PLEKHF1: variants seen among roughly 807,000 people sequenced by gnomAD.
PLEKHF1 encodes the protein pleckstrin homology and FYVE domain containing 1, also known as pleckstrin homology domain-containing family F member 1.
Under a neutral mutation model 4.1 loss-of-function variants are expected in PLEKHF1, and 1 was observed. The ratio of observed to expected loss-of-function variants is 0.24; its 90% CI spans 0.09 to 1.15. The LOEUF (loss-of-function observed/expected upper bound fraction) is 1.15, where lower values mean the gene tolerates loss of function less well. Ranked by LOEUF, PLEKHF1 falls within the 50% of genes most tolerant of loss-of-function variation. The probability of loss-of-function intolerance (pLI) is 0.52; values close to 1 mark genes in which losing one functional copy is unlikely to be tolerated. For synonymous variants in PLEKHF1, 182 were observed against 178.5 expected (o/e 1.02, Z -0.16); for missense variants, 429 against 400.6 (o/e 1.07, Z -0.60).
rs1380606183 is a variant in PLEKHF1, at chr19:29,674,599, G to A, written c.760G>A (p.Glu254Lys). The stretch of plus-strand genomic sequence containing the variant: ...TGACGATGACTCCGACGAGGACAAG[G>A]AGGGCAGCAGGGACGGCGACTGGCC... ...GDDDDSDEDK[E>K]GSRDGDWPSS... Residue 254 changes from glutamate (E) to lysine (K), a missense_variant, in exon 2 of 2, where the codon GAG becomes AAG. By Grantham distance (56) the Glu-to-Lys change is moderately conservative (BLOSUM62 1). Coordinates refer to ENST00000436066, the MANE Select transcript of PLEKHF1 (RefSeq NM_024310.5). 1 of 1,607,614 alleles carries A rather than the reference G, an allele frequency of 6.2e-7. No individual in the cohort carries two copies. The highest frequency in any genetic ancestry group is 8.5e-7 in the Non-Finnish European group (1 of 1,177,832).
chr19:29,673,370 G>A (rs528272224), intron 1 of PLEKHF1, among the ~76,000 whole-genome samples: 2 of 150,266 alleles, frequency 1.3e-5, no homozygotes, highest in South Asian at 4.2e-4. Flanking sequence ...GCTGCCCACA[G>A]TAGTAGCCGG....
rs1427149825 is a variant in PLEKHF1, at chr19:29,674,698, T to C, written c.*19T>C. 1 of 1,579,332 alleles carries C rather than the reference T, an allele frequency of 6.3e-7. No individual in the cohort carries two copies. Among genetic ancestry groups the C allele is most frequent in the Non-Finnish European group, 8.6e-7 (1 of 1,160,254 alleles). ...CAGCTGACCCCCGGCCTGCAGAACA[T>C]CTGTCCCCAAGCCAGCTCCACTGCC... On this transcript the variant is annotated 3_prime_UTR_variant, in exon 2 of 2. Transcript: ENST00000436066.
chr19:29,672,493 C>G (rs1639111591), intron 1 of PLEKHF1, among the ~76,000 whole-genome samples: 1 of 151,780 alleles, frequency 6.6e-6, no homozygotes, highest in Non-Finnish European at 1.5e-5. Flanking sequence ...AGGAGCTGAC[C>G]CTGGGACAGC....
intron 1 of PLEKHF1, 102 bp downstream of exon 1, chr19:29,665,607 C>T (rs1045569731): frequency 1.4e-4 from 168 of 1,208,914 alleles, no homozygotes; most frequent in Non-Finnish European, 1.7e-4. Context: ...TCTCTCCCGC[C>T]GCGCGGTCTT....
Position 29,674,467 on chromosome 19 carries a change from G to A in PLEKHF1, c.628G>A (p.Glu210Lys), listed in dbSNP as rs1378699327. ...GCGCGTCTGCAGCCTCTGCTACCGC[G>A]AACTGGCCGCCCAGCAGCGGCAGGA... ...PVRVCSLCYR[E>K]LAAQQRQEEA... Residue 210 changes from glutamate (E) to lysine (K), a missense_variant, in exon 2 of 2, where the codon GAA becomes AAA. Coordinates refer to ENST00000436066, the MANE Select transcript of PLEKHF1 (RefSeq NM_024310.5). 6.5e-7 allele frequency: 1 copy of A among 1,540,474 alleles called. No homozygotes were observed. Among genetic ancestry groups the A allele is most frequent in the Admixed American group, 2.0e-5 (1 of 50,992 alleles).
At chr19:29,670,367 G>A (rs1313234089) in intron 1 of PLEKHF1, among the ~76,000 whole-genome samples, 1 of 152,202 alleles carries the variant, frequency 6.6e-6, no homozygotes, top group Admixed American at 6.5e-5. Flanking sequence ...TCTCATATAA[G>A]TTATTACAGT....
At chr19:29,669,183 CT>C (rs1971602685) in intron 1 of PLEKHF1, among the ~76,000 whole-genome samples, 1 of 152,192 alleles carries the variant, frequency 6.6e-6, no homozygotes, top group African/African-American at 2.4e-5. Context: ...ACTCTGCCCT[CT>C]GCTGGACGGG....
At chr19:29,669,986 C>G (rs1271627659) in intron 1 of PLEKHF1, among the ~76,000 whole-genome samples, 1 of 152,116 alleles carries the variant, frequency 6.6e-6, no homozygotes, top group African/African-American at 2.4e-5. Flanking sequence ...GGCTGGAGTG[C>G]AGTGGTGTGA....
rs1568311262 is a variant in PLEKHF1, at chr19:29,673,913, CG to C, written c.78del (p.Gln27SerfsTer16). On this transcript the variant is annotated frameshift_variant, in exon 2 of 2. Coordinates refer to ENST00000436066, the MANE Select transcript of PLEKHF1 (RefSeq NM_024310.5). LOFTEE classifies it low-confidence loss of function (END_TRUNC). The part of the protein sequence containing the change: ...IAAVESCFGA[S>X]GQPLALPGRV... ...GCAGTGGAGAGCTGCTTCGGGGCCT[CG>C]GGGCAGCCGCTGGCGCTGCCAGGCC... 6.2e-7 allele frequency: 1 copy of C among 1,612,634 alleles called. No individual in the cohort carries two copies. The highest frequency in any genetic ancestry group is 1.1e-5 in the South Asian group (1 of 91,012).
rs1971628126 is a variant in PLEKHF1 at position 29,671,124 on chromosome 19, G to A, written c.-16-2700G>A. Among the ~76,000 whole-genome samples the A allele has an allele frequency of 6.8e-6, 1 of 147,564 alleles. No individual in the cohort carries two copies. The highest frequency in any genetic ancestry group is 6.7e-5 in the Admixed American group (1 of 14,830). ...CCCTCCTTTTTTTTTTTTTGAGATG[G>A]AATCTCACTCTGTCACACAGGCTGG... On this transcript the variant is annotated intron_variant, in intron 1 of 1. Coordinates refer to ENST00000436066, the MANE Select transcript of PLEKHF1 (RefSeq NM_024310.5). The surrounding 1 kb of genome is among the most constrained non-coding windows in gnomAD (Gnocchi z 4.0).
chr19:29,673,896 G>A lies in PLEKHF1; in HGVS notation c.57G>A (p.Glu19=). The A allele has an allele frequency of 6.2e-7, 1 of 1,612,134 alleles. No individual in the cohort carries two copies. The highest frequency in any genetic ancestry group is 1.3e-5 in the African/African-American group (1 of 75,036). ...ACAGCCAGCGCATCGCGGCAGTGGA[G>A]AGCTGCTTCGGGGCCTCGGGGCAGC... ...EINSQRIAAV[E]SCFGASGQPL... The change falls in exon 2 of 2, where the codon GAG becomes GAA. Residue 19 remains glutamate, a synonymous_variant. Coordinates refer to ENST00000436066, the MANE Select transcript of PLEKHF1 (RefSeq NM_024310.5).
chr19:29,672,526 G>A (rs1253977784), intron 1 of PLEKHF1, among the ~76,000 whole-genome samples: 1 of 152,172 alleles, frequency 6.6e-6, no homozygotes, highest in Non-Finnish European at 1.5e-5. Flanking sequence ...GGACACAATG[G>A]CACCTTGCCA....
chr19:29,673,793 G>T, intron 1 of PLEKHF1, 31 bp from the exon 2 acceptor site: 1 of 1,562,752 alleles, frequency 6.4e-7, no homozygotes, highest in South Asian at 1.2e-5. Context: ...GCCTGAGCCT[G>T]GACATACTCC....
intron 1 of PLEKHF1, among the ~76,000 whole-genome samples, chr19:29,670,360 C>T (rs1306720003): frequency 6.6e-6 from 1 of 152,196 alleles, no homozygotes. Context: ...ATGTATATCT[C>T]ATATAAGTTA....
In PLEKHF1 at chr19:29,674,533, G is replaced by A. The variant is rs1971679773; in HGVS notation, c.694G>A (p.Ala232Thr). ...EQGAGSPGQP[A>T]HLARPICGAS... ...GGGCGCGGGGTCCCCAGGGCAGCCA[G>A]CCCACCTGGCCCGGCCCATCTGCGG... is the stretch of plus-strand genomic sequence containing the variant. Residue 232 changes from alanine to threonine, a missense_variant, in exon 2 of 2, where the codon GCC (alanine) becomes ACC (threonine). Coordinates refer to ENST00000436066, the MANE Select transcript of PLEKHF1 (RefSeq NM_024310.5). The A allele has an allele frequency of 1.9e-6, 3 of 1,581,226 alleles. No individual in the cohort carries two copies. Among genetic ancestry groups the A allele is most frequent in the Non-Finnish European group, 2.6e-6 (3 of 1,165,668 alleles).
In PLEKHF1 at chr19:29,674,302, A is replaced by G. The variant is rs770578722; in HGVS notation, c.463A>G (p.Thr155Ala). 1.9e-6 allele frequency: 3 copies of G among 1,591,944 alleles called. No individual in the cohort carries two copies. In the African/African-American group the frequency reaches 4.0e-5, roughly 21 times the overall value. Residue 155 changes from threonine to alanine, a missense_variant, in exon 2 of 2, where the codon ACG (threonine) becomes GCG (alanine). By Grantham distance (58) the Thr-to-Ala change is moderately conservative. Transcript: ENST00000436066. ...GGCACCCTGGATCCCCGACAAGGCC[A>G]CGGACATCTGCATGCGCTGCACGCA... is the stretch of plus-strand genomic sequence containing the variant. ...HAAPWIPDKA[T>A]DICMRCTQTR...
rs1386978587 is a variant in PLEKHF1 at position 29,665,463 on chromosome 19, T to C, written c.-59T>C. ...CGGAGCGGGCGGGGACCCGGGCTAC[T>C]GCGGTGTGGACTCGAGGGCTGGGCG... On this transcript the variant is annotated 5_prime_UTR_variant, in exon 1 of 2. Transcript: ENST00000436066. 3.6e-5 allele frequency: 32 copies of C among 884,502 alleles called. No individual in the cohort carries two copies. The highest frequency in any genetic ancestry group is 2.2e-4 in the African/African-American group (12 of 53,770). The allele number at this position is 884,502 out of a possible 1,614,324, so 54.8% of individuals were successfully genotyped here. A position where few individuals can be genotyped will look rare whatever the true frequency, so the allele number is the denominator to read the frequency against.
intron 1 of PLEKHF1, among the ~76,000 whole-genome samples, chr19:29,667,626 C>A (rs1305223928): frequency 6.6e-6 from 1 of 152,038 alleles, no homozygotes; most frequent in African/African-American, 2.4e-5. Context: ...CAGTTACAGC[C>A]CCCACCCCAT....
chr19:29,665,677 G>A (rs749077530), intron 1 of PLEKHF1, 172 bp downstream of exon 1: 57 of 1,119,990 alleles, frequency 5.1e-5, no homozygotes, highest in Non-Finnish European at 6.2e-5. Flanking sequence ...AGAGGCCTGG[G>A]AAGGGCGCTC....
Sources: gnomAD v4.1 joint callset for allele counts (sites outside exome capture counted in the v4.1 genomes callset) on GRCh38, gnomAD v4.1.1 for gene constraint, Gnocchi (gnomAD v3.1) non-coding constraint, MANE v1.5 for transcripts, NCBI Gene and HGNC (gene_info 2026-07-23, HGNC 2026-07-21) for gene names.